The following ALKBH8 variants were observed in gnomAD, a reference collection of about 807,000 sequenced individuals.
The protein encoded by ALKBH8 is tRNA (carboxymethyluridine(34)-5-O)-methyltransferase ALKBH8.
ALKBH8 carries 36 observed loss-of-function variants against 59.8 expected under a neutral mutation model. The ratio of observed to expected loss-of-function variants is 0.60; its 90% CI spans 0.46 to 0.79. The LOEUF is 0.79. Among genes scored for constraint, ALKBH8 ranks in the 30% least tolerant of loss-of-function variants. The pLI is 0.00. For synonymous variants in ALKBH8, 276 were observed against 273.6 expected (o/e 1.01, Z -0.09); for missense variants, 768 against 801.0 (o/e 0.96, Z 0.50).
intron 6 of ALKBH8, among the ~76,000 whole-genome samples, chr11:107,550,306 G>A (rs1864437036): frequency 6.6e-6 from 1 of 152,204 alleles, no homozygotes; most frequent in South Asian, 2.1e-4. Flanking sequence ...CACGGTGAGG[G>A]TATACAAAGC....
chr11:107,543,029 T>C (rs645663), intron 7 of ALKBH8, among the ~76,000 whole-genome samples: 114,437 of 151,854 alleles, frequency 0.75, 44,262 homozygotes, highest in South Asian at 0.85. Flanking sequence ...CAGTGGACGG[T>C]GAATCGCTGA....
intron 10 of ALKBH8, among the ~76,000 whole-genome samples, chr11:107,512,737 T>C (rs539539665): frequency 2.0e-5 from 3 of 152,190 alleles, no homozygotes; most frequent in Admixed American, 6.5e-5. Context: ...AAGTGTATAT[T>C]TACTCATTTA....
chr11:107,560,469 G>A (rs911550242), intron 2 of ALKBH8, among the ~76,000 whole-genome samples: 1 of 151,922 alleles, frequency 6.6e-6, no homozygotes, highest in Non-Finnish European at 1.5e-5. Flanking sequence ...GACTTCTAGG[G>A]AATTAAATAT....
At chr11:107,506,663 A>G (rs574665274) in intron 11 of ALKBH8, among the ~76,000 whole-genome samples, 8 of 152,290 alleles carry the variant, frequency 5.3e-5, no homozygotes, top group African/African-American at 1.2e-4. Context: ...AAAAGAGGGG[A>G]AAATACAGAA....
intron 10 of ALKBH8, among the ~76,000 whole-genome samples, chr11:107,518,494 A>G (rs1410660842): frequency 6.6e-6 from 1 of 152,258 alleles, no homozygotes; most frequent in Non-Finnish European, 1.5e-5. Flanking sequence ...TGACATGTTC[A>G]TGATGGCCAT....
rs1190903899 is a variant in ALKBH8, at chr11:107,503,740, T to C, written c.*918A>G. 6.6e-6 allele frequency: 1 copy of C among 152,192 alleles called. No individual in the cohort carries two copies. The highest frequency in any genetic ancestry group is 2.4e-5 in the African/African-American group (1 of 41,470). 9.4% of individuals were successfully genotyped at this position (152,192 alleles called of 1,614,324 possible). A position where few individuals can be genotyped will look rare whatever the true frequency, so the allele number is the denominator to read the frequency against. ...GCACAGTTAGGTCTGAGTGACCACA[T>C]TCTAACTTTTGTCATTTAAACAAAG... On this transcript the variant is annotated 3_prime_UTR_variant, in exon 12 of 12. Coordinates refer to ENST00000428149, the MANE Select transcript of ALKBH8 (RefSeq NM_138775.3).
chr11:107,552,735 C>CT (rs1287292514), intron 5 of ALKBH8, among the ~76,000 whole-genome samples: 1 of 152,136 alleles, frequency 6.6e-6, no homozygotes, highest in Non-Finnish European at 1.5e-5. Flanking sequence ...AGTAGTCTCC[C>CT]TTGAGAAACT....
chr11:107,502,853 C>T lies in ALKBH8; in HGVS notation c.*1805G>A, dbSNP rs547517190. On this transcript the variant is annotated 3_prime_UTR_variant, in exon 12 of 12. Transcript: ENST00000428149. ...AAGCCATACTATATTCTTACACTAT[C>T]CTATGATGTATACAAATATACTTTC... The T allele has an allele frequency of 6.6e-6, 1 of 152,284 alleles. No homozygotes were observed. The highest frequency in any genetic ancestry group is 2.1e-4 in the South Asian group (1 of 4,824). The allele number at this position is 152,284 out of a possible 1,614,324, so 9.4% of individuals were successfully genotyped here. A position where few individuals can be genotyped will look rare whatever the true frequency, so the allele number is the denominator to read the frequency against.
At chr11:107,552,782 A>G (rs1864549489) in intron 5 of ALKBH8, among the ~76,000 whole-genome samples, 1 of 152,206 alleles carries the variant, frequency 6.6e-6, no homozygotes, top group Admixed American at 6.5e-5. Context: ...AAAGATATTC[A>G]CAGCAGCATT....
chr11:107,552,156 T>C (rs1362075501), intron 5 of ALKBH8, among the ~76,000 whole-genome samples: 2 of 151,962 alleles, frequency 1.3e-5, no homozygotes, highest in African/African-American at 4.8e-5. Flanking sequence ...AGTTTTGGTA[T>C]TTTATAAAAT....
At position 107,549,479 on chromosome 11, in the gene ALKBH8, T is replaced by C. The variant is rs147535420; in HGVS notation, c.771+274A>G. Among the ~76,000 whole-genome samples the C allele has an allele frequency of 9.6e-3, 1,459 of 152,296 alleles. 18 individuals carry two copies. Among genetic ancestry groups the C allele is most frequent in the Admixed American group, 0.02 (308 of 15,306 alleles). ...ACCAGTAGGTCAGAAATGGGCCACA[T>C]TGTACCAAGGAAAGTCTAGATCTTA... On this transcript the variant is annotated intron_variant, in intron 7 of 11. Coordinates refer to ENST00000428149, the MANE Select transcript of ALKBH8 (RefSeq NM_138775.3).
chr11:107,517,910 T>C (rs139434220), intron 10 of ALKBH8, among the ~76,000 whole-genome samples: 1 of 152,318 alleles, frequency 6.6e-6, no homozygotes, highest in East Asian at 1.9e-4. Flanking sequence ...GGATGGTAAA[T>C]GTTCTCCCCA....
chr11:107,560,021 G>GT (rs1321163107), intron 2 of ALKBH8, among the ~76,000 whole-genome samples: 1 of 152,142 alleles, frequency 6.6e-6, no homozygotes, highest in Non-Finnish European at 1.5e-5. Flanking sequence ...TTAATGTCCA[G>GT]TAAGTACAAT....
At position 107,553,906 on chromosome 11, in the gene ALKBH8, T is replaced by G. The variant is rs1452062651; in HGVS notation, c.440A>C (p.Glu147Ala). The change falls in exon 4 of 12, where the codon GAG (glutamate) becomes GCG (alanine). Residue 147 changes from glutamate to alanine, a missense_variant. Glu to Ala is a moderately radical substitution (Grantham distance 107). Coordinates refer to ENST00000428149, the MANE Select transcript of ALKBH8 (RefSeq NM_138775.3). ...LMVVEEIISS[E>A]EEKMLLESVD... ...ACTTTCCAAAAGCATTTTCTCCTCC[T>G]CAGAAGAAATTATTTCTTCTACTAC... 32 of 1,613,756 alleles carry G rather than the reference T, an allele frequency of 2.0e-5. No homozygotes were observed. Among genetic ancestry groups the G allele is most frequent in the South Asian group, 4.4e-5 (4 of 91,054 alleles).
chr11:107,505,280 A>T, intron 11 of ALKBH8, 65 bp from the exon 12 acceptor site: 2 of 1,243,958 alleles, frequency 1.6e-6, no homozygotes, highest in Non-Finnish European at 2.2e-6. Context: ...AATAAAACTG[A>T]CCATAGGACT....
chr11:107,522,278 G>A, intron 10 of ALKBH8, 21 bp downstream of exon 10: 1 of 1,549,188 alleles, frequency 6.5e-7, no homozygotes, highest in Non-Finnish European at 8.7e-7. Flanking sequence ...CAAAAAGAAA[G>A]TCAAAAGCAA....
At chr11:107,553,743 T>A in intron 4 of ALKBH8, 104 bp downstream of exon 4, 2 of 1,270,166 alleles carry the variant, frequency 1.6e-6, no homozygotes, top group Non-Finnish European at 2.1e-6. Context: ...TCCGGGCTAG[T>A]TTCAGTAATT....
At chr11:107,519,443 A>G (rs931350400) in intron 10 of ALKBH8, among the ~76,000 whole-genome samples, 2 of 152,190 alleles carry the variant, frequency 1.3e-5, no homozygotes, top group Non-Finnish European at 2.9e-5. Context: ...CATTTTTAAA[A>G]CTATTAAGAA....
intron 7 of ALKBH8, among the ~76,000 whole-genome samples, chr11:107,544,141 C>A (rs1450671259): frequency 1.3e-5 from 2 of 152,156 alleles, no homozygotes; most frequent in Non-Finnish European, 2.9e-5. Flanking sequence ...GTTCTACAAT[C>A]CAGATGGAGT....
Sources: allele counts gnomAD v4.1 joint callset (sites outside exome capture counted in the v4.1 genomes callset), GRCh38; gene constraint gnomAD v4.1.1; transcripts MANE v1.5; gene names NCBI Gene and HGNC (gene_info 2026-07-23, HGNC 2026-07-21).